The following FRMD3 variants were observed in gnomAD, a reference collection of about 807,000 sequenced individuals.
FRMD3 encodes FERM domain containing 3.
FRMD3 carries 33 observed loss-of-function variants against 70.2 expected under a neutral mutation model. That is an observed-to-expected ratio of 0.47 (90% CI 0.36 to 0.63). The LOEUF is 0.63. Ranked by LOEUF, FRMD3 falls within the 20% of genes least tolerant of loss-of-function variation. The pLI, the probability that FRMD3 is intolerant of heterozygous loss-of-function variation, is 0.00. For missense variants in FRMD3, 632 were observed against 711.4 expected (o/e 0.89, Z 1.27); for synonymous variants, 279 against 255.9 (o/e 1.09, Z -0.86).
intron 2 of FRMD3, among the ~76,000 whole-genome samples, chr9:83,386,577 T>C (rs1825516450): frequency 6.6e-6 from 1 of 152,200 alleles, no homozygotes; most frequent in African/African-American, 2.4e-5. Flanking sequence ...AAGTATAACC[T>C]TCACTCATCT....
chr9:83,507,371 A>AAC (rs1335555714), intron 1 of FRMD3, among the ~76,000 whole-genome samples: 2 of 142,606 alleles, frequency 1.4e-5, no homozygotes, highest in Non-Finnish European at 3.1e-5. Flanking sequence ...CGTCTCAAAA[A>AAC]AAAAAAAAAA....
intron 3 of FRMD3, among the ~76,000 whole-genome samples, chr9:83,358,109 T>C (rs981714437): frequency 3.2e-4 from 49 of 152,344 alleles, no homozygotes; most frequent in African/African-American, 1.1e-3. Flanking sequence ...TTGATTTTTG[T>C]ATAAGGTGAG....
Position 83,246,681 on chromosome 9 carries a change from A to T in FRMD3, c.*1237T>A, listed in dbSNP as rs1832120392. On this transcript the variant is annotated 3_prime_UTR_variant, in exon 14 of 14. Coordinates refer to ENST00000304195, the MANE Select transcript of FRMD3 (RefSeq NM_174938.6). The stretch of plus-strand genomic sequence containing the variant: ...CTCTCTCTCTCTCTCACACACACAC[A>T]CACGCACACTCACATACAAACACAT... 3.0e-6 allele frequency: 3 copies of T among 983,710 alleles called. No individual in the cohort carries two copies. In the African/African-American group the frequency reaches 5.3e-5, roughly 17 times the overall value. The allele number at this position is 983,710 out of a possible 1,614,324, so 60.9% of individuals were successfully genotyped here.
At chr9:83,566,093 C>A in the FRMD3 span, among the ~76,000 whole-genome samples, 1 of 152,108 alleles carries the variant, frequency 6.6e-6, no homozygotes, top group Non-Finnish European at 1.5e-5. Context: ...AGAGACATAC[C>A]CGAGACTGAG....
At chr9:83,283,098 A>C (rs1834033111) in intron 13 of FRMD3, among the ~76,000 whole-genome samples, 1 of 152,186 alleles carries the variant, frequency 6.6e-6, no homozygotes, top group Non-Finnish European at 1.5e-5. Context: ...AACATGAAAG[A>C]AAAGGTAAAA....
intron 3 of FRMD3, among the ~76,000 whole-genome samples, chr9:83,357,269 ATAT>A (rs1824419345): frequency 1.5e-5 from 1 of 66,704 alleles, no homozygotes; most frequent in South Asian, 4.2e-4. Context: ...ATATATATAT[ATAT>A]ATATATATAT....
intron 1 of FRMD3, among the ~76,000 whole-genome samples, chr9:83,399,249 A>T (rs886170365): frequency 5.9e-5 from 9 of 152,196 alleles, no homozygotes. Context: ...GGTAGCTTGG[A>T]GTTAGTAACG....
chr9:83,363,063 T>C lies in FRMD3; in HGVS notation c.295+9850A>G, dbSNP rs1201552936. The stretch of plus-strand genomic sequence containing the variant: ...GTTTTGCATAAAGATTTCTCTCCTT[T>C]TGCTTATTTTATTTTTATTACCAAG... On this transcript the variant is annotated intron_variant, in intron 3 of 13. Transcript: ENST00000304195. Among the ~76,000 whole-genome samples the C allele has an allele frequency of 2.0e-5, 3 of 152,100 alleles. No homozygotes were observed. In the South Asian group the frequency reaches 6.2e-4, roughly 32 times the overall value.
chr9:83,388,683 C>T (rs1319999491), intron 2 of FRMD3, among the ~76,000 whole-genome samples: 1 of 152,174 alleles, frequency 6.6e-6, no homozygotes, highest in Non-Finnish European at 1.5e-5. Flanking sequence ...GTAGGTGTCT[C>T]CAGGAGCAAG....
chr9:83,405,772 A>G (rs1826083835), intron 1 of FRMD3, among the ~76,000 whole-genome samples: 1 of 151,932 alleles, frequency 6.6e-6, no homozygotes, highest in Non-Finnish European at 1.5e-5. Flanking sequence ...AAAAAAAAAA[A>G]AGAAAGAAAG....
intron 1 of FRMD3, among the ~76,000 whole-genome samples, chr9:83,492,575 T>C (rs1327284898): frequency 6.6e-6 from 1 of 152,144 alleles, no homozygotes; most frequent in Non-Finnish European, 1.5e-5. Flanking sequence ...GCAGCCCCTT[T>C]TCTCTTAGTG....
At chr9:83,404,512 T>G (rs1211116837) in intron 1 of FRMD3, among the ~76,000 whole-genome samples, 1 of 152,178 alleles carries the variant, frequency 6.6e-6, no homozygotes. Flanking sequence ...TGGAACTGCA[T>G]AAACCCACAA....
At chr9:83,421,027 G>A (rs1388397424) in intron 1 of FRMD3, among the ~76,000 whole-genome samples, 6 of 134,570 alleles carry the variant, frequency 4.5e-5, no homozygotes, top group African/African-American at 1.1e-4. Context: ...TGCAAGCTCC[G>A]CCTCCCAGGT....
At chr9:83,525,860 C>CAAG (rs1337365420) in intron 1 of FRMD3, among the ~76,000 whole-genome samples, 1 of 152,158 alleles carries the variant, frequency 6.6e-6, no homozygotes, top group Non-Finnish European at 1.5e-5. Flanking sequence ...CCAGAGCTCA[C>CAAG]AATTCAGTGA....
At chr9:83,472,228 G>A (rs1177653207) in intron 1 of FRMD3, among the ~76,000 whole-genome samples, 2 of 152,176 alleles carry the variant, frequency 1.3e-5, no homozygotes, top group African/African-American at 4.8e-5. Context: ...AAACTAGTTT[G>A]CTCACTTGCC....
At chr9:83,487,242 G>T (rs968793420) in intron 1 of FRMD3, among the ~76,000 whole-genome samples, 1 of 152,104 alleles carries the variant, frequency 6.6e-6, no homozygotes, top group African/African-American at 2.4e-5. Context: ...ATTATAAAAG[G>T]CCACTGAAAA....
chr9:83,572,275 G>A, the FRMD3 span, among the ~76,000 whole-genome samples: 1 of 152,118 alleles, frequency 6.6e-6, no homozygotes, highest in Non-Finnish European at 1.5e-5. Context: ...AAGAGATGGG[G>A]ATAGTGGAAA....
intron 3 of FRMD3, among the ~76,000 whole-genome samples, chr9:83,361,994 T>C (rs946773676): frequency 1.7e-4 from 26 of 152,208 alleles, no homozygotes; most frequent in African/African-American, 6.3e-4. Flanking sequence ...TGTGAGCAAG[T>C]AGATTTCTAT....
At position 83,248,370 on chromosome 9, in the gene FRMD3, T is replaced by A; in HGVS notation, c.1342A>T (p.Asn448Tyr). 1 of 1,614,160 alleles carries A rather than the reference T, an allele frequency of 6.2e-7. No homozygotes were observed. Among genetic ancestry groups the A allele is most frequent in the Non-Finnish European group, 8.5e-7 (1 of 1,180,024 alleles). The change falls in exon 14 of 14, where the codon AAC (asparagine) becomes TAC (tyrosine). Residue 448 changes from asparagine to tyrosine, a missense_variant. Around this residue, in one of 3 missense-constraint regions of FRMD3, gnomAD observed 418 missense variants for 442.1 expected, o/e 0.95. Transcript: ENST00000304195. Reference sequence around the variant, plus strand: ...GTGGGGAGCAGGCTGGCACTTGGGTTGTACACTAGTTCAGAGATGGTTAAA... The same window carrying A: ...GTGGGGAGCAGGCTGGCACTTGGGTAGTACACTAGTTCAGAGATGGTTAAA... ...EPLTISELVY[N>Y]PSASLLPTPV...
Sources: gnomAD v4.1 joint callset for allele counts (sites outside exome capture counted in the v4.1 genomes callset) on GRCh38, gnomAD v4.1.1 for gene constraint, gnomAD v4.1.1 regional missense constraint, MANE v1.5 for transcripts, NCBI Gene and HGNC (gene_info 2026-07-23, HGNC 2026-07-21) for gene names.